The following UVRAG variants were observed in gnomAD, a reference collection of about 807,000 sequenced individuals.
UVRAG encodes the protein UV radiation resistance associated.
In UVRAG, 19 loss-of-function variants were observed where a neutral mutation model predicts 78.0. The ratio of observed to expected loss-of-function variants is 0.24; its 90% CI spans 0.17 to 0.36. The LOEUF is 0.36. Ranked by LOEUF, UVRAG falls within the 10% of genes least tolerant of loss-of-function variation. UVRAG has a pLI of 1.00. For synonymous variants in UVRAG, 323 were observed against 324.6 expected (o/e 1.00, Z 0.05); for missense variants, 740 against 853.8 (o/e 0.87, Z 1.66).
At chr11:75,973,283 C>T (rs1949162470) in intron 7 of UVRAG, among the ~76,000 whole-genome samples, 1 of 152,190 alleles carries the variant, frequency 6.6e-6, no homozygotes, top group Non-Finnish European at 1.5e-5. Flanking sequence ...TTTTCTGCAT[C>T]TATCAATATG....
In UVRAG at chr11:75,881,567, T is replaced by A. The variant is rs145633124; in HGVS notation, c.432+1527T>A. 1.7e-4 allele frequency among the ~76,000 whole-genome samples: 26 copies of A among 152,314 alleles called. 1 individual carries two copies. In the South Asian group the frequency reaches 3.9e-3, roughly 23 times the overall value. On this transcript the variant is annotated intron_variant, in intron 4 of 14. Coordinates refer to ENST00000356136, the MANE Select transcript of UVRAG (RefSeq NM_003369.4). Reference sequence around the variant, plus strand: ...AAGCAGTTTCCAGCTTGAGTTTTCCTTAATGATTTTGGGGGCCCAAGATGT... The same window carrying A: ...AAGCAGTTTCCAGCTTGAGTTTTCCATAATGATTTTGGGGGCCCAAGATGT...
intron 13 of UVRAG, among the ~76,000 whole-genome samples, chr11:76,088,499 C>T (rs528410344): frequency 6.6e-5 from 10 of 150,502 alleles, no homozygotes; most frequent in Non-Finnish European, 1.2e-4. Flanking sequence ...CCCGCGCCCC[C>T]TCCCCCGCCT....
intron 12 of UVRAG, among the ~76,000 whole-genome samples, chr11:76,042,385 A>AT (rs139271697): frequency 0.01 from 1,558 of 152,374 alleles, 28 homozygotes; most frequent in African/African-American, 0.036. Flanking sequence ...TATTAACCAA[A>AT]TTATAAAAGG....
chr11:75,954,772 G>T (rs1948763416), intron 6 of UVRAG, among the ~76,000 whole-genome samples: 1 of 152,202 alleles, frequency 6.6e-6, no homozygotes, highest in Admixed American at 6.5e-5. Context: ...AATAGGCAAA[G>T]AAATAAACAG....
intron 7 of UVRAG, among the ~76,000 whole-genome samples, chr11:75,965,623 AC>A (rs2135218725): frequency 6.6e-6 from 1 of 152,252 alleles, no homozygotes; most frequent in South Asian, 2.1e-4. Context: ...CAGATGTTGG[AC>A]ATCTTTTGTT....
In UVRAG at chr11:76,141,507, T is replaced by C; in HGVS notation, c.*94T>C. ...CCTTTGTGATAATGATGACACAAAATGAATATTAATGGAGGATATTCCTCG... is the reference window on the plus strand; with the variant it reads ...CCTTTGTGATAATGATGACACAAAACGAATATTAATGGAGGATATTCCTCG... On this transcript the variant is annotated 3_prime_UTR_variant, in exon 15 of 15. Coordinates refer to ENST00000356136, the MANE Select transcript of UVRAG (RefSeq NM_003369.4). 8.3e-7 allele frequency: 1 copy of C among 1,201,702 alleles called. No individual in the cohort carries two copies. The highest frequency in any genetic ancestry group is 1.2e-6 in the Non-Finnish European group (1 of 862,894). The allele number at this position is 1,201,702 out of a possible 1,614,324, so 74.4% of individuals were successfully genotyped here. A position where few individuals can be genotyped will look rare whatever the true frequency, so the allele number is the denominator to read the frequency against.
chr11:75,830,276 G>C (rs1372748950), intron 1 of UVRAG, among the ~76,000 whole-genome samples: 2 of 151,444 alleles, frequency 1.3e-5, no homozygotes, highest in Non-Finnish European at 2.9e-5. Context: ...CAGCAAGTAA[G>C]TATTCTTTTT....
intron 12 of UVRAG, among the ~76,000 whole-genome samples, chr11:76,035,753 A>G (rs1950521150): frequency 1.3e-5 from 2 of 152,356 alleles, no homozygotes; most frequent in South Asian, 4.1e-4. Context: ...ACTGCTGAAT[A>G]TCTACCATAT....
intron 13 of UVRAG, among the ~76,000 whole-genome samples, chr11:76,114,755 T>C (rs1215478587): frequency 6.6e-6 from 1 of 152,162 alleles, no homozygotes; most frequent in African/African-American, 2.4e-5. Flanking sequence ...AAAAGAAAAC[T>C]GACTGTTTTT....
chr11:76,141,891 G>A lies in UVRAG; in HGVS notation c.*478G>A, dbSNP rs1255401704. On this transcript the variant is annotated 3_prime_UTR_variant, in exon 15 of 15. Coordinates refer to ENST00000356136, the MANE Select transcript of UVRAG (RefSeq NM_003369.4). ...GTCTGTGGCCATCTGTGAGGTAGAT[G>A]AAGAAGCAGCATAGTGGTCTCCTTA... 1 of 166,108 alleles carries A rather than the reference G, an allele frequency of 6.0e-6. No homozygotes were observed. The highest frequency in any genetic ancestry group is 2.4e-5 in the African/African-American group (1 of 41,528). 10.3% of individuals were successfully genotyped at this position (166,108 alleles called of 1,614,324 possible).
At chr11:75,862,438 G>A (rs1394996374) in intron 3 of UVRAG, among the ~76,000 whole-genome samples, 1 of 152,160 alleles carries the variant, frequency 6.6e-6, no homozygotes, top group Non-Finnish European at 1.5e-5. Context: ...GACCTTTCTG[G>A]TAATGAAAAT....
At chr11:75,909,213 G>A (rs1288670183) in intron 5 of UVRAG, among the ~76,000 whole-genome samples, 2 of 152,122 alleles carry the variant, frequency 1.3e-5, no homozygotes, top group Non-Finnish European at 2.9e-5. Context: ...TGGGCGTGGT[G>A]GTGCATGCCT....
intron 2 of UVRAG, among the ~76,000 whole-genome samples, chr11:75,860,052 G>C (rs12278909): frequency 0.14 from 20,734 of 152,246 alleles, 2,182 homozygotes; most frequent in African/African-American, 0.3. Context: ...TCAAGTGATT[G>C]TACTGCCTCA....
chr11:75,855,456 G>A (rs1029050067), intron 2 of UVRAG, among the ~76,000 whole-genome samples: 2 of 152,218 alleles, frequency 1.3e-5, no homozygotes, highest in Non-Finnish European at 2.9e-5. Flanking sequence ...AAATGTCATG[G>A]TTGAGTGAAG....
chr11:76,108,683 G>T (rs1037484142), intron 13 of UVRAG, among the ~76,000 whole-genome samples: 4 of 152,202 alleles, frequency 2.6e-5, no homozygotes, highest in Admixed American at 2.0e-4. Context: ...TGACATGGCC[G>T]TAGTTGTCTG....
chr11:76,091,703 G>A (rs1315011783), intron 13 of UVRAG, among the ~76,000 whole-genome samples: 2 of 151,866 alleles, frequency 1.3e-5, no homozygotes, highest in East Asian at 1.9e-4. Context: ...TTCTATGTGT[G>A]TAATATCTTC....
Position 75,879,876 on chromosome 11 carries a change from C to T in UVRAG, c.271-3C>T, listed in dbSNP as rs561690729. 8 of 1,613,330 alleles carry T rather than the reference C, an allele frequency of 5.0e-6. No homozygotes were observed. The South Asian group carries it at 6.6e-5, about 13-fold the overall frequency. ...TAAAGCGTGTTTTCATTTTCATGAG[C>T]AGAATCCCACGTGGCGAAGTCTCGA... On this transcript the variant is annotated splice_polypyrimidine_tract_variant and splice_region_variant and intron_variant, in intron 3 of 14. Coordinates refer to ENST00000356136, the MANE Select transcript of UVRAG (RefSeq NM_003369.4).
chr11:75,933,725 C>A (rs983061894), intron 6 of UVRAG, among the ~76,000 whole-genome samples: 1 of 152,174 alleles, frequency 6.6e-6, no homozygotes, highest in African/African-American at 2.4e-5. Context: ...AAGACATATA[C>A]ATGGCAGACA....
chr11:76,044,808 A>T (rs189679284), intron 12 of UVRAG, among the ~76,000 whole-genome samples: 279 of 152,300 alleles, frequency 1.8e-3, no homozygotes, highest in African/African-American at 6.5e-3. Flanking sequence ...AAAAAATTTT[A>T]AAAAGCATAA....
Sources: allele counts gnomAD v4.1 joint callset (sites outside exome capture counted in the v4.1 genomes callset), GRCh38; gene constraint gnomAD v4.1.1; transcripts MANE v1.5; gene names NCBI Gene and HGNC (gene_info 2026-07-23, HGNC 2026-07-21).